The following DSC1 variants were observed in gnomAD, a reference collection of about 807,000 sequenced individuals.
The protein encoded by DSC1 is desmocollin 1.
DSC1 carries 79 observed loss-of-function variants against 98.8 expected under a neutral mutation model. The ratio of observed to expected loss-of-function variants is 0.80; its 90% confidence interval spans 0.67 to 0.96. The LOEUF (loss-of-function observed/expected upper bound fraction) is 0.96. DSC1 is among the 50% of genes least tolerant of loss of function. The pLI is 0.00. For synonymous variants in DSC1, 405 were observed against 372.1 expected (o/e 1.09, Z -1.02); for missense variants, 1,115 against 1,075.9 (o/e 1.04, Z -0.51).
rs1988458198 is a variant in DSC1, at chr18:31,130,418, T to C, written c.*96A>G. The C allele has an allele frequency of 2.1e-6, 3 of 1,397,858 alleles. No individual in the cohort carries two copies. Among genetic ancestry groups the C allele is most frequent in the Admixed American group, 1.9e-5 (1 of 53,702 alleles). 86.6% of individuals were successfully genotyped at this position (1,397,858 alleles called of 1,614,324 possible). ...TTACCTATACATGACAAAGTTTACCTCCATAAACAAAAACATTAGCAGATG... is the reference window on the plus strand; with the variant it reads ...TTACCTATACATGACAAAGTTTACCCCCATAAACAAAAACATTAGCAGATG... On this transcript the variant is annotated 3_prime_UTR_variant, in exon 16 of 16. Transcript: ENST00000257198.
chr18:31,130,581 C>A lies in DSC1; in HGVS notation c.2618G>T (p.Gly873Val). The A allele has an allele frequency of 1.9e-6, 3 of 1,614,140 alleles. No individual in the cohort carries two copies. Among genetic ancestry groups the A allele is most frequent in the Non-Finnish European group, 2.5e-6 (3 of 1,180,016 alleles). The part of the protein sequence containing the change: ...GCCSDRQEEE[G>V]LEFLDHLEPK... Reference sequence around the variant, plus strand: ...TTCCAGGTGATCTAGAAACTCCAGTCCCTCTTCTTCCTGCCGATCGCTGCA... The same window carrying A: ...TTCCAGGTGATCTAGAAACTCCAGTACCTCTTCTTCCTGCCGATCGCTGCA... The change falls in exon 16 of 16, where the codon GGA becomes GTA. Residue 873 changes from glycine to valine, a missense_variant. Gly to Val is a moderately radical substitution (Grantham distance 109). Coordinates refer to ENST00000257198, the MANE Select transcript of DSC1 (RefSeq NM_024421.2).
At chr18:31,156,768 G>T (rs1431792338) in intron 3 of DSC1, among the ~76,000 whole-genome samples, 1 of 152,200 alleles carries the variant, frequency 6.6e-6, no homozygotes, top group Non-Finnish European at 1.5e-5. Flanking sequence ...TGCTGAAAAT[G>T]AGATGTGAAT....
intron 5 of DSC1, among the ~76,000 whole-genome samples, chr18:31,154,075 C>G (rs1476321359): frequency 1.3e-5 from 2 of 152,084 alleles, no homozygotes; most frequent in Admixed American, 6.6e-5. Flanking sequence ...CTCATTTCAT[C>G]AGATGAGACA....
Position 31,143,747 on chromosome 18 carries a change from A to G in DSC1, c.984T>C (p.Gly328=). The G allele has an allele frequency of 1.2e-6, 2 of 1,603,120 alleles. No homozygotes were observed. Among genetic ancestry groups the G allele is most frequent in the Non-Finnish European group, 1.7e-6 (2 of 1,174,500 alleles). Reference sequence around the variant, plus strand: ...TATTAAATAAACCGAAAGGCTGACCACCCATGTCTCGCACTTCCATTATTA... The same window carrying G: ...TATTAAATAAACCGAAAGGCTGACCGCCCATGTCTCGCACTTCCATTATTA... ...YQLIMEVRDM[G]GQPFGLFNTG... is the part of the protein sequence containing the mutation. Residue 328 remains glycine (G), a synonymous_variant, in exon 8 of 16, where the codon GGT becomes GGC. Coordinates refer to ENST00000257198, the MANE Select transcript of DSC1 (RefSeq NM_024421.2).
At chr18:31,162,001 A>G (rs1012141402) in intron 1 of DSC1, among the ~76,000 whole-genome samples, 1 of 152,190 alleles carries the variant, frequency 6.6e-6, no homozygotes, top group Non-Finnish European at 1.5e-5. Context: ...CCCAAGTGGA[A>G]GCCAAGTTGA....
At position 31,140,125 on chromosome 18, in the gene DSC1, C is replaced by T. The variant is rs762103976; in HGVS notation, c.1437G>A (p.Gln479=). Residue 479 remains glutamine, a synonymous_variant, in exon 10 of 16, where the codon CAG becomes CAA. Transcript: ENST00000257198. ...GGCCAGCTGGGAAGCCATCTTGACT[C>T]TGAATAACTTTCACTGGAGGGTGGC... ...PECHPPVKVI[Q]SQDGFPAGQE... 8.7e-6 allele frequency: 14 copies of T among 1,614,002 alleles called. 1 individual carries two copies. In the South Asian group the frequency reaches 1.5e-4, roughly 18 times the overall value.
At chr18:31,148,835 A>G (rs1988902625) in intron 5 of DSC1, among the ~76,000 whole-genome samples, 193 bp from the exon 6 acceptor site, 1 of 152,142 alleles carries the variant, frequency 6.6e-6, no homozygotes, top group Admixed American at 6.6e-5. Context: ...ATCCCCTCTC[A>G]GCGTTATTGC....
rs1988689719 is a variant in DSC1, at chr18:31,139,765, A to G, written c.1646T>C (p.Val549Ala). The change falls in exon 11 of 16, where the codon GTT becomes GCT. Residue 549 changes from valine to alanine, a missense_variant. By Grantham distance (64) the Val-to-Ala change is moderately conservative. Transcript: ENST00000257198. The part of the protein sequence containing the change: ...FVKNNQYNIS[V>A]VAVDAVGRSC... The stretch of plus-strand genomic sequence containing the variant: ...GCACTCACCTGCATCCACTGCAACA[A>G]CTGAAATATTGTATTGGTTGTTTTT... 6.2e-7 allele frequency: 1 copy of G among 1,602,330 alleles called. No homozygotes were observed. The highest frequency in any genetic ancestry group is 8.5e-7 in the Non-Finnish European group (1 of 1,176,000).
In DSC1 at chr18:31,130,255, G is replaced by T. The variant is rs1280977833; in HGVS notation, c.*259C>A. ...GTTTGCAAATAAAAGGTGCAAGAAG[G>T]TGTACAGTACAGTCGTGAAAAGGGC... On this transcript the variant is annotated 3_prime_UTR_variant, in exon 16 of 16. Transcript: ENST00000257198. The T allele has an allele frequency of 4.9e-6, 2 of 408,720 alleles. No individual in the cohort carries two copies. The highest frequency in any genetic ancestry group is 8.0e-5 in the East Asian group (2 of 24,902). The allele number at this position is 408,720 out of a possible 1,614,324, so 25.3% of individuals were successfully genotyped here.
rs761370392 is a variant in DSC1, at chr18:31,142,226, A to T, written c.1075-42T>A. On this transcript the variant is annotated intron_variant, in intron 8 of 15. Coordinates refer to ENST00000257198, the MANE Select transcript of DSC1 (RefSeq NM_024421.2). ...TTATTATTATCAATTTACAACTTTG[A>T]CAATGTAGCTTTATATTCTAAAACA... 5 of 1,570,844 alleles carry T rather than the reference A, an allele frequency of 3.2e-6. No individual in the cohort carries two copies. In the East Asian group the frequency reaches 9.1e-5, roughly 29 times the overall value.
intron 2 of DSC1, among the ~76,000 whole-genome samples, chr18:31,158,678 T>A (rs1299472588): frequency 6.6e-6 from 1 of 152,208 alleles, no homozygotes; most frequent in Non-Finnish European, 1.5e-5. Flanking sequence ...TTTCACAAGC[T>A]GTTCTGTGAA....
At chr18:31,143,814 A>C in intron 7 of DSC1, 23 bp from the exon 8 acceptor site, 1 of 1,532,502 alleles carries the variant, frequency 6.5e-7, no homozygotes, top group Non-Finnish European at 8.7e-7. Flanking sequence ...AAAAAACTAC[A>C]TTAATGAACA....
intron 15 of DSC1, among the ~76,000 whole-genome samples, chr18:31,131,043 A>G (rs1290607812): frequency 6.6e-6 from 1 of 152,224 alleles, no homozygotes; most frequent in Non-Finnish European, 1.5e-5. Flanking sequence ...AGGAAAACCA[A>G]TATAGGCTAT....
chr18:31,162,508 C>T, intron 1 of DSC1, 24 bp downstream of exon 1: 1 of 1,612,704 alleles, frequency 6.2e-7, no homozygotes, highest in Admixed American at 1.7e-5. Context: ...GCTTGAATTC[C>T]CTAATCCTTT....
At position 31,140,294 on chromosome 18, in the gene DSC1, T is replaced by C; in HGVS notation, c.1268A>G (p.Asn423Ser). 6.2e-7 allele frequency: 1 copy of C among 1,613,862 alleles called. No homozygotes were observed. The highest frequency in any genetic ancestry group is 8.5e-7 in the Non-Finnish European group (1 of 1,179,782). The change falls in exon 10 of 16, where the codon AAC becomes AGC. Residue 423 changes from asparagine (N) to serine (S), a missense_variant. Asn to Ser is a conservative substitution (Grantham distance 46). Transcript: ENST00000257198. ...AATAACTTGGCGATTGACTTCATAG[T>C]TCAATGGCTGTTAAATAAGCATACT... ...EGVLCVVKPL[N>S]YEVNRQVILQ...
At chr18:31,148,768 A>C in intron 5 of DSC1, 126 bp from the exon 6 acceptor site, 1 of 903,424 alleles carries the variant, frequency 1.1e-6, no homozygotes, top group Admixed American at 2.9e-5. Flanking sequence ...GTAACTAAGA[A>C]ATGATGCAAT....
intron 9 of DSC1, among the ~76,000 whole-genome samples, 183 bp downstream of exon 9, chr18:31,141,816 C>A (rs1017648583): frequency 6.6e-5 from 10 of 152,106 alleles, no homozygotes. Flanking sequence ...CCTGACATGA[C>A]TTTCTTCTAA....
chr18:31,137,016 C>T (rs1019994324), intron 11 of DSC1, among the ~76,000 whole-genome samples: 1 of 152,212 alleles, frequency 6.6e-6, no homozygotes, highest in Admixed American at 6.5e-5. Context: ...AATCACAGAG[C>T]TAGAAAGTAC....
chr18:31,133,806 T>C (rs1988545825), intron 13 of DSC1, 85 bp downstream of exon 13: 2 of 1,351,958 alleles, frequency 1.5e-6, no homozygotes, highest in Non-Finnish European at 2.0e-6. Flanking sequence ...CCAAAGGCTA[T>C]TAATATAAAA....
Sources: gnomAD v4.1 joint callset for allele counts (sites outside exome capture counted in the v4.1 genomes callset) on GRCh38, gnomAD v4.1.1 for gene constraint, MANE v1.5 for transcripts, NCBI Gene and HGNC (gene_info 2026-07-23, HGNC 2026-07-21) for gene names.